Variants in PCDHGA5 observed in about 807,000 individuals in gnomAD.
PCDHGA5 encodes protocadherin gamma subfamily A, 5, also known as protocadherin gamma-A5.
A neutral mutation model predicts 56.7 loss-of-function variants in PCDHGA5; 36 were observed. The observed-to-expected ratio is 0.64, with a 90% confidence interval of 0.49 to 0.84. The LOEUF is 0.84. PCDHGA5 is among the 40% of genes least tolerant of loss of function. PCDHGA5 has a pLI of 0.00. For missense variants in PCDHGA5, 1,305 were observed against 1,201.5 expected (o/e 1.09, Z -1.27); for synonymous variants, 563 against 520.2 (o/e 1.08, Z -1.12).
chr5:141,394,174 A>T, intron 1 of PCDHGA5: 1 of 1,613,824 alleles, frequency 6.2e-7, no homozygotes, highest in Non-Finnish European at 8.5e-7. Flanking sequence ...ACTTTCCCTC[A>T]TGCCTCCTAC....
In PCDHGA5 at chr5:141,491,736, G is replaced by T; in HGVS notation, c.2422-3071G>T. The T allele has an allele frequency of 6.2e-7, 1 of 1,600,560 alleles. No individual in the cohort carries two copies. Among genetic ancestry groups the T allele is most frequent in the Non-Finnish European group, 8.5e-7 (1 of 1,174,270 alleles). ...CGGCGCCGCCCCGGGCGACCCCTGG[G>T]GGCGGCACTGGAGAAGCCGCCCGTC... On this transcript the variant is annotated intron_variant, in intron 1 of 3. Coordinates refer to ENST00000518069, the MANE Select transcript of PCDHGA5 (RefSeq NM_018918.3). This position sits in a 1 kb window ranked among gnomAD's most constrained non-coding sequence, Gnocchi z 6.9.
chr5:141,392,622 A>ACTCACAT, intron 1 of PCDHGA5: 1 of 558,650 alleles, frequency 1.8e-6, no homozygotes, highest in Non-Finnish European at 3.0e-6. Context: ...AACCGAAAAC[A>ACTCACAT]CTCAGATCTC....
intron 1 of PCDHGA5, chr5:141,413,675 G>C (rs773300658): frequency 6.2e-7 from 1 of 1,613,826 alleles, no homozygotes; most frequent in Non-Finnish European, 8.5e-7. Context: ...CCGGATGTGG[G>C]CGTGAACTCC....
chr5:141,428,324 T>C, intron 1 of PCDHGA5: 1 of 642,806 alleles, frequency 1.6e-6, no homozygotes, highest in Non-Finnish European at 2.8e-6. Flanking sequence ...TTGGCCTTGA[T>C]TTCTATGCTC....
chr5:141,419,119 C>T lies in PCDHGA5; in HGVS notation c.2421+52368C>T. 2.5e-6 allele frequency: 4 copies of T among 1,613,896 alleles called. No individual in the cohort carries two copies. The South Asian group carries it at 3.3e-5, about 13-fold the overall frequency. Reference sequence around the variant, plus strand: ...GGGAGCAGACCCCAGAGTACAACGTCACCATCGCAGCCACAGACAGGGGCA... The same window carrying T: ...GGGAGCAGACCCCAGAGTACAACGTTACCATCGCAGCCACAGACAGGGGCA... On this transcript the variant is annotated intron_variant, in intron 1 of 3. Coordinates refer to ENST00000518069, the MANE Select transcript of PCDHGA5 (RefSeq NM_018918.3).
chr5:141,412,906 TG>T (rs2095588206), intron 1 of PCDHGA5: 2 of 384,208 alleles, frequency 5.2e-6, no homozygotes, highest in Admixed American at 8.2e-5. Context: ...TTCCATTGCA[TG>T]TATCACTTGG....
At chr5:141,397,024 A>G (rs188506780) in intron 1 of PCDHGA5, among the ~76,000 whole-genome samples, 30 of 152,358 alleles carry the variant, frequency 2.0e-4, no homozygotes, top group African/African-American at 7.2e-4. Flanking sequence ...AAGGTTGACC[A>G]ATGTCCACAA....
At position 141,491,679 on chromosome 5, in the gene PCDHGA5, T is replaced by C. The variant is rs111288145; in HGVS notation, c.2422-3128T>C. On this transcript the variant is annotated intron_variant, in intron 1 of 3. Coordinates refer to ENST00000518069, the MANE Select transcript of PCDHGA5 (RefSeq NM_018918.3). This position sits in a 1 kb window ranked among gnomAD's most constrained non-coding sequence, Gnocchi z 6.9. ...CTGACGCCATCCGGTCCCGCTCTAA[T>C]ACGCTGCGGGAGCGGAGCCAGGTGA... is the stretch of plus-strand genomic sequence containing the variant. 21 of 1,613,378 alleles carry C rather than the reference T, an allele frequency of 1.3e-5. No homozygotes were observed. Among genetic ancestry groups the C allele is most frequent in the Middle Eastern group, 1.6e-4 (1 of 6,078 alleles).
intron 2 of PCDHGA5, among the ~76,000 whole-genome samples, chr5:141,502,866 C>CTTTTTTT (rs549047197): frequency 0.02 from 2,590 of 127,990 alleles, 216 homozygotes; most frequent in African/African-American, 0.075. Flanking sequence ...GACTCTCTGT[C>CTTTTTTT]TTTTTTTTTT....
chr5:141,404,116 G>A (rs751598967), intron 1 of PCDHGA5: 1 of 1,613,478 alleles, frequency 6.2e-7, no homozygotes, highest in East Asian at 2.2e-5. Flanking sequence ...CTATCCAGGA[G>A]AATCTATCTT....
Position 141,413,628 on chromosome 5 carries a change from T to G in PCDHGA5, c.2421+46877T>G, listed in dbSNP as rs570797524. 4.3e-6 allele frequency: 7 copies of G among 1,613,878 alleles called. No homozygotes were observed. The African/African-American group carries it at 6.7e-5, about 15-fold the overall frequency. On this transcript the variant is annotated intron_variant, in intron 1 of 3. Coordinates refer to ENST00000518069, the MANE Select transcript of PCDHGA5 (RefSeq NM_018918.3). ...ACGTAAAAATTAATGAAAATGTCGC[T>G]GCGGGAATGCGTTTTCCTCTCCCGG...
intron 3 of PCDHGA5, among the ~76,000 whole-genome samples, chr5:141,508,528 C>T (rs2099869454): frequency 6.6e-6 from 1 of 152,186 alleles, no homozygotes; most frequent in Admixed American, 6.5e-5. Context: ...AACCTCAGGG[C>T]ACCCCCCACG....
intron 1 of PCDHGA5, chr5:141,423,740 G>T: frequency 1.4e-6 from 1 of 698,992 alleles, no homozygotes; most frequent in Non-Finnish European, 1.8e-6. Flanking sequence ...AGCCTGTTAT[G>T]AAAACTGTTT....
At chr5:141,498,467 G>C (rs535351060) in intron 2 of PCDHGA5, among the ~76,000 whole-genome samples, 1 of 152,116 alleles carries the variant, frequency 6.6e-6, no homozygotes, top group East Asian at 1.9e-4. Context: ...GTCTAACCCT[G>C]GTTCCAGCCT....
intron 1 of PCDHGA5, among the ~76,000 whole-genome samples, chr5:141,446,323 A>G (rs1372501599): frequency 6.6e-6 from 1 of 152,216 alleles, no homozygotes. Flanking sequence ...GGGTTTCCAC[A>G]TTAAGGAACT....
intron 1 of PCDHGA5, chr5:141,384,966 C>A: frequency 6.2e-7 from 1 of 1,614,142 alleles, no homozygotes; most frequent in South Asian, 1.1e-5. Flanking sequence ...ACTATGACCT[C>A]ACGTTGTACC....
chr5:141,477,573 C>T lies in PCDHGA5; in HGVS notation c.2422-17234C>T, dbSNP rs1593790046. The T allele has an allele frequency of 6.2e-7, 1 of 1,614,056 alleles. No individual in the cohort carries two copies. Among genetic ancestry groups the T allele is most frequent in the South Asian group, 1.1e-5 (1 of 91,086 alleles). ...AACCTAAGTGTCTGGGACCCCGACGCCCCGCAGAATGCTCGGCTTTCTTTC... is the reference window on the plus strand; with the variant it reads ...AACCTAAGTGTCTGGGACCCCGACGTCCCGCAGAATGCTCGGCTTTCTTTC... On this transcript the variant is annotated intron_variant, in intron 1 of 3. Coordinates refer to ENST00000518069, the MANE Select transcript of PCDHGA5 (RefSeq NM_018918.3). This position sits in a 1 kb window ranked among gnomAD's most constrained non-coding sequence, Gnocchi z 4.9.
At chr5:141,378,101 A>C (rs1018772587) in intron 1 of PCDHGA5, 21 of 152,208 alleles carry the variant, frequency 1.4e-4, no homozygotes, top group Admixed American at 1.0e-3. Flanking sequence ...TCAAACTCTA[A>C]AGCAGCATAG....
Position 141,366,452 on chromosome 5 carries a change from G to A in PCDHGA5, c.2122G>A (p.Val708Ile), listed in dbSNP as rs1764567762. Residue 708 changes from valine (V) to isoleucine (I), a missense_variant, in exon 1 of 4, where the codon GTC becomes ATC. Val to Ile is a conservative substitution (Grantham distance 29). Coordinates refer to ENST00000518069, the MANE Select transcript of PCDHGA5 (RefSeq NM_018918.3). ...AGTCTCCTGCGTCTTCCTGGCCTTCGTCATCGTGCTGCTGGTGCTCAGACT... is the reference window on the plus strand; with the variant it reads ...AGTCTCCTGCGTCTTCCTGGCCTTCATCATCGTGCTGCTGGTGCTCAGACT... ...AAVSCVFLAF[V>I]IVLLVLRLRR... 3.7e-6 allele frequency: 6 copies of A among 1,614,196 alleles called. No individual in the cohort carries two copies. Among genetic ancestry groups the A allele is most frequent in the East Asian group, 4.5e-5 (2 of 44,884 alleles).
Sources: allele counts gnomAD v4.1 joint callset (sites outside exome capture counted in the v4.1 genomes callset), GRCh38; gene constraint gnomAD v4.1.1; non-coding constraint Gnocchi (gnomAD v3.1); transcripts MANE v1.5; gene names NCBI Gene and HGNC (gene_info 2026-07-23, HGNC 2026-07-21).